The following ZNF763 variants were observed in gnomAD, a reference collection of about 807,000 sequenced individuals.
ZNF763 encodes zinc finger protein 763, also known as DNA-binding protein.
In ZNF763, 33 loss-of-function variants were observed where a neutral mutation model predicts 38.0. The observed-to-expected ratio is 0.87, with a 90% CI of 0.66 to 1.16. The LOEUF (loss-of-function observed/expected upper bound fraction) is 1.16, where lower values mean the gene tolerates loss of function less well. Among genes scored for constraint, ZNF763 ranks in the 50% most tolerant of loss-of-function variants. The pLI is 0.00. For synonymous variants in ZNF763, 155 were observed against 160.1 expected (o/e 0.97, Z 0.24); for missense variants, 423 against 469.1 (o/e 0.90, Z 0.91).
At chr19:11,974,150 CTTT>C (rs1973430139) in intron 1 of ZNF763, among the ~76,000 whole-genome samples, 3 of 113,394 alleles carry the variant, frequency 2.6e-5, no homozygotes, top group African/African-American at 1.4e-4. Context: ...TTCTTTCTTT[CTTT>C]CTTTCCTTCC....
In ZNF763 at chr19:11,978,486, C is replaced by G; in HGVS notation, c.562C>G (p.Arg188Gly). The change falls in exon 4 of 4, where the codon CGA (arginine) becomes GGA (glycine). Residue 188 changes from arginine (R) to glycine (G), a missense_variant. Physicochemically the swap from Arg to Gly is moderately radical, Grantham distance 125. Transcript: ENST00000358987. ...AACCTTTATTTCCCATTCAGGCATT[C>G]GAAGACGCATGGTAATGCACAGTGG... ...GKTFISHSGI[R>G]RRMVMHSGDG... The G allele has an allele frequency of 6.2e-7, 1 of 1,614,154 alleles. No homozygotes were observed. The highest frequency in any genetic ancestry group is 8.5e-7 in the Non-Finnish European group (1 of 1,180,030).
intron 1 of ZNF763, among the ~76,000 whole-genome samples, chr19:11,971,188 A>G (rs1973343960): frequency 6.6e-6 from 1 of 152,190 alleles, no homozygotes; most frequent in African/African-American, 2.4e-5. Flanking sequence ...GTCCATGTTC[A>G]GGGAGTTGGC....
At chr19:11,968,711 G>A (rs1190771200) in intron 1 of ZNF763, among the ~76,000 whole-genome samples, 1 of 152,104 alleles carries the variant, frequency 6.6e-6, no homozygotes, top group East Asian at 1.9e-4. Context: ...GGAAATTAGT[G>A]TACTATAGAG....
rs961387257 is a variant in ZNF763, at chr19:11,980,495, G to T, written c.*1386G>T. The T allele has an allele frequency of 6.5e-5, 10 of 152,732 alleles. No homozygotes were observed. Among genetic ancestry groups the T allele is most frequent in the Admixed American group, 5.9e-4 (9 of 15,288 alleles). 9.5% of individuals were successfully genotyped at this position (152,732 alleles called of 1,614,324 possible). A position where few individuals can be genotyped will look rare whatever the true frequency, so the allele number is the denominator to read the frequency against. ...CTAAAATATTTCATAAAATGTATGG[G>T]TGCTGTTTACCAGAAAGTACGTTGG... On this transcript the variant is annotated 3_prime_UTR_variant, in exon 4 of 4. Transcript: ENST00000358987.
At position 11,978,894 on chromosome 19, in the gene ZNF763, T is replaced by C. The variant is rs7254529; in HGVS notation, c.970T>C (p.Tyr324His). 0.018 allele frequency: 29,188 copies of C among 1,614,052 alleles called. 315 individuals carry two copies. The highest frequency in any genetic ancestry group is 0.026 in the African/African-American group (1,982 of 74,994). The change falls in exon 4 of 4, where the codon TAC becomes CAC. Residue 324 changes from tyrosine to histidine, a missense_variant. Physicochemically the swap from Tyr to His is moderately conservative, Grantham distance 83. Coordinates refer to ENST00000358987, the MANE Select transcript of ZNF763 (RefSeq NM_001367172.2). ...CAAATGTAATAAAGCATTCCGTAGTTACAGATCCTATCTTAGACATAAAAG... is the reference window on the plus strand; with the variant it reads ...CAAATGTAATAAAGCATTCCGTAGTCACAGATCCTATCTTAGACATAAAAG... ...CSKCNKAFRSYRSYLRHKRSH... is the reference protein window; with the variant it reads ...CSKCNKAFRSHRSYLRHKRSH...
rs777052299 is a variant in ZNF763 at position 11,978,996 on chromosome 19, C to T, written c.1072C>T (p.His358Tyr). The T allele has an allele frequency of 1.2e-6, 2 of 1,614,178 alleles. No homozygotes were observed. The highest frequency in any genetic ancestry group is 1.1e-5 in the South Asian group (1 of 91,086). ...AFTYPSSLRRHERTHSAKKPY... is the reference protein window; with the variant it reads ...AFTYPSSLRRYERTHSAKKPY... ...CACGTATCCCAGTTCCCTTCGTAGA[C>T]ATGAAAGGACCCACTCTGCGAAAAA... is the stretch of plus-strand genomic sequence containing the variant. Residue 358 changes from histidine to tyrosine, a missense_variant, in exon 4 of 4, where the codon CAT (histidine) becomes TAT (tyrosine). By Grantham distance (83) the His-to-Tyr change is moderately conservative. Transcript: ENST00000358987.
At chr19:11,971,439 A>C (rs1359468767) in intron 1 of ZNF763, among the ~76,000 whole-genome samples, 1 of 152,188 alleles carries the variant, frequency 6.6e-6, no homozygotes, top group Non-Finnish European at 1.5e-5. Context: ...AGAGTGATGC[A>C]AATATTCATG....
At chr19:11,977,306 G>A (rs1973515877) in intron 2 of ZNF763, 65 bp from the exon 3 acceptor site, 1 of 1,606,404 alleles carries the variant, frequency 6.2e-7, no homozygotes, top group Admixed American at 1.7e-5. Flanking sequence ...CATAGACATA[G>A]AATCTAATAA....
chr19:11,967,336 C>G (rs1973253572), intron 1 of ZNF763, among the ~76,000 whole-genome samples: 1 of 151,950 alleles, frequency 6.6e-6, no homozygotes. Context: ...GACCCCATCT[C>G]AAAAAACAAA....
At chr19:11,974,119 TTCTTTC>T (rs1973421622) in intron 1 of ZNF763, among the ~76,000 whole-genome samples, 1 of 63,628 alleles carries the variant, frequency 1.6e-5, no homozygotes, top group Non-Finnish European at 3.3e-5. Flanking sequence ...CTTTCTTTCT[TTCTTTC>T]TTTTCTTTCT....
Position 11,979,514 on chromosome 19 carries a change from GA to G in ZNF763, c.*411del, listed in dbSNP as rs1830264087. 6.9e-6 allele frequency: 11 copies of G among 1,602,428 alleles called. No homozygotes were observed. The highest frequency in any genetic ancestry group is 2.2e-5 in the East Asian group (1 of 44,670). On this transcript the variant is annotated 3_prime_UTR_variant, in exon 4 of 4. Coordinates refer to ENST00000358987, the MANE Select transcript of ZNF763 (RefSeq NM_001367172.2). The stretch of plus-strand genomic sequence containing the variant: ...TTCTCCCACGTCATTTCAAAGACAT[GA>G]AAAAACTCACACTGCAGAGAAACCC...
intron 3 of ZNF763, among the ~76,000 whole-genome samples, chr19:11,977,906 G>A (rs111749294): frequency 8.5e-5 from 13 of 152,054 alleles, no homozygotes; most frequent in African/African-American, 2.4e-4. Context: ...AGTTTACATG[G>A]GAATAGTATT....
chr19:11,974,072 T>TCTTTCTTA (rs1491356972), intron 1 of ZNF763, among the ~76,000 whole-genome samples: 23 of 61,502 alleles, frequency 3.7e-4, no homozygotes, highest in African/African-American at 1.1e-3. Context: ...TTCTTTCTTT[T>TCTTTCTTA]CTTTCTTTCT....
rs748886085 is a variant in ZNF763, at chr19:11,978,987, C to T, written c.1063C>T (p.Leu355Phe). 2 of 1,614,022 alleles carry T rather than the reference C, an allele frequency of 1.2e-6. No homozygotes were observed. Among genetic ancestry groups the T allele is most frequent in the African/African-American group, 2.7e-5 (2 of 74,914 alleles). ...CRKAFTYPSS[L>F]RRHERTHSAK... ...AAAAGCATTCACGTATCCCAGTTCC[C>T]TTCGTAGACATGAAAGGACCCACTC... The change falls in exon 4 of 4, where the codon CTT (leucine) becomes TTT (phenylalanine). Residue 355 changes from leucine to phenylalanine, a missense_variant. Leu to Phe is a conservative substitution (Grantham distance 22). Coordinates refer to ENST00000358987, the MANE Select transcript of ZNF763 (RefSeq NM_001367172.2).
At position 11,979,466 on chromosome 19, in the gene ZNF763, A is replaced by G; in HGVS notation, c.*357A>G. On this transcript the variant is annotated 3_prime_UTR_variant, in exon 4 of 4. Coordinates refer to ENST00000358987, the MANE Select transcript of ZNF763 (RefSeq NM_001367172.2). ...CTCTGGAGAAAGACCTTATAAATGTAAGACATGTGGGAAAGGCTTTTATTC... is the reference window on the plus strand; with the variant it reads ...CTCTGGAGAAAGACCTTATAAATGTGAGACATGTGGGAAAGGCTTTTATTC... The G allele has an allele frequency of 6.2e-7, 1 of 1,603,084 alleles. No individual in the cohort carries two copies. Among genetic ancestry groups the G allele is most frequent in the Non-Finnish European group, 8.5e-7 (1 of 1,172,872 alleles).
chr19:11,965,204 A>T lies in ZNF763; in HGVS notation c.-5A>T, dbSNP rs1191404213. 2 of 1,614,062 alleles carry T rather than the reference A, an allele frequency of 1.2e-6. No individual in the cohort carries two copies. The highest frequency in any genetic ancestry group is 2.2e-5 in the South Asian group (2 of 91,088). On this transcript the variant is annotated 5_prime_UTR_variant, in exon 1 of 4. Transcript: ENST00000358987. ...GAGGACCCCAGGACATCTGAAAGCC[A>T]GGAAATGGTGCGTGTGCATAGCCGG...
At position 11,978,504 on chromosome 19, in the gene ZNF763, CA is replaced by C. The variant is rs1568311569; in HGVS notation, c.581del (p.His194ProfsTer204). 8 of 1,614,202 alleles carry C rather than the reference CA, an allele frequency of 5.0e-6. No homozygotes were observed. Among genetic ancestry groups the C allele is most frequent in the Non-Finnish European group, 5.1e-6 (6 of 1,180,026 alleles). ...HSGIRRRMVM[H>X]SGDGPYKCKF... ...AGGCATTCGAAGACGCATGGTAATGCACAGTGGGGATGGACCTTATAAATGT... is the reference window on the plus strand; with the variant it reads ...AGGCATTCGAAGACGCATGGTAATGCCAGTGGGGATGGACCTTATAAATGT... On this transcript the variant is annotated frameshift_variant, in exon 4 of 4. Coordinates refer to ENST00000358987, the MANE Select transcript of ZNF763 (RefSeq NM_001367172.2). LOFTEE classifies it high-confidence loss of function.
intron 1 of ZNF763, among the ~76,000 whole-genome samples, chr19:11,967,124 C>G (rs542419078): frequency 3.3e-5 from 5 of 152,266 alleles, no homozygotes; most frequent in African/African-American, 1.2e-4. Context: ...CACTTGAGGT[C>G]AAGAGTTCGA....
Position 11,980,201 on chromosome 19 carries a change from G to A in ZNF763, c.*1092G>A, listed in dbSNP as rs1028862940. On this transcript the variant is annotated 3_prime_UTR_variant, in exon 4 of 4. Transcript: ENST00000358987. ...TCAAGACTGGCCTGATCAATATGAT[G>A]AAACCCCTGTCTCTACTAAAACTAC... 2.1e-6 allele frequency: 1 copy of A among 478,326 alleles called. No individual in the cohort carries two copies. The highest frequency in any genetic ancestry group is 3.7e-6 in the Non-Finnish European group (1 of 269,682). The allele number at this position is 478,326 out of a possible 1,614,324, so 29.6% of individuals were successfully genotyped here.
Sources: gnomAD v4.1 joint callset for allele counts (sites outside exome capture counted in the v4.1 genomes callset) on GRCh38, gnomAD v4.1.1 for gene constraint, MANE v1.5 for transcripts, NCBI Gene and HGNC (gene_info 2026-07-23, HGNC 2026-07-21) for gene names.